Variants in KCNMB2 observed in about 807,000 individuals in gnomAD.
The protein encoded by KCNMB2 is potassium calcium-activated channel subfamily M regulatory beta subunit 2, also known as calcium-activated potassium channel subunit beta-2.
Under a neutral mutation model 24.5 loss-of-function variants are expected in KCNMB2, and 9 were observed. That is an observed-to-expected ratio of 0.37 (90% confidence interval 0.22 to 0.64). The LOEUF is 0.64. Among genes scored for constraint, KCNMB2 ranks in the 30% least tolerant of loss-of-function variants. The pLI, the probability that KCNMB2 is intolerant of heterozygous loss-of-function variation, is 0.63. For synonymous variants in KCNMB2, 109 were observed against 104.4 expected (o/e 1.04, Z -0.27); for missense variants, 226 against 284.3 (o/e 0.79, Z 1.47).
At chr3:178,657,807 A>G (rs1330297287) in intron 1 of KCNMB2, among the ~76,000 whole-genome samples, 1 of 152,232 alleles carries the variant, frequency 6.6e-6, no homozygotes, top group Non-Finnish European at 1.5e-5. Context: ...ACATGGAAGG[A>G]GCATGTTCAA....
At chr3:178,643,578 T>C (rs1346278388) in intron 1 of KCNMB2, among the ~76,000 whole-genome samples, 1 of 152,204 alleles carries the variant, frequency 6.6e-6, no homozygotes, top group African/African-American at 2.4e-5. Context: ...TGTGAATCTA[T>C]AATTATTTCA....
At chr3:178,611,114 C>A (rs1718466092) in intron 1 of KCNMB2, among the ~76,000 whole-genome samples, 1 of 152,094 alleles carries the variant, frequency 6.6e-6, no homozygotes, top group Admixed American at 6.5e-5. Flanking sequence ...AGGTCCCAGG[C>A]TTTTCTTTAC....
intron 1 of KCNMB2, among the ~76,000 whole-genome samples, chr3:178,723,087 A>C: frequency 6.6e-6 from 1 of 152,192 alleles, no homozygotes; most frequent in Non-Finnish European, 1.5e-5. Context: ...CTATGTGTCT[A>C]TCCCTACCAC....
chr3:178,661,451 T>G (rs779262816), intron 1 of KCNMB2, among the ~76,000 whole-genome samples: 1 of 152,140 alleles, frequency 6.6e-6, no homozygotes, highest in Non-Finnish European at 1.5e-5. Context: ...AAACATTTTT[T>G]TTAATAAAGA....
intron 1 of KCNMB2, among the ~76,000 whole-genome samples, chr3:178,805,399 A>G (rs2108450506): frequency 6.6e-6 from 1 of 152,346 alleles, no homozygotes; most frequent in African/African-American, 2.4e-5. Context: ...TCCGTGGTAC[A>G]GACTAAGCCC....
intron 1 of KCNMB2, among the ~76,000 whole-genome samples, chr3:178,614,247 T>TTA (rs776751246): frequency 0.021 from 1,128 of 52,946 alleles, 18 homozygotes; most frequent in Middle Eastern, 0.037. Context: ...TGGGCTAATT[T>TTA]TATATATATA....
chr3:178,688,731 T>A (rs1363598469), intron 1 of KCNMB2, among the ~76,000 whole-genome samples: 2 of 152,158 alleles, frequency 1.3e-5, no homozygotes, highest in African/African-American at 4.8e-5. Context: ...ATTTAAAGTT[T>A]TTGTGAACTT....
At chr3:178,635,406 C>CAT (rs1380464352) in intron 1 of KCNMB2, among the ~76,000 whole-genome samples, 3 of 130,096 alleles carry the variant, frequency 2.3e-5, no homozygotes, top group Non-Finnish European at 4.9e-5. Flanking sequence ...GGTGCTTATG[C>CAT]ATACACACAC....
chr3:178,813,765 T>TA (rs1158209174), intron 2 of KCNMB2, among the ~76,000 whole-genome samples: 1 of 152,244 alleles, frequency 6.6e-6, no homozygotes, highest in Non-Finnish European at 1.5e-5. Flanking sequence ...TCAGCCAAAC[T>TA]AATTAAGTCT....
chr3:178,656,313 A>G (rs945604307), intron 1 of KCNMB2, among the ~76,000 whole-genome samples: 6 of 152,232 alleles, frequency 3.9e-5, no homozygotes, highest in Admixed American at 3.9e-4. Context: ...TTCACTAGCT[A>G]GCAGGCATTC....
intron 1 of KCNMB2, among the ~76,000 whole-genome samples, chr3:178,788,032 T>C (rs985736388): frequency 6.6e-6 from 1 of 152,164 alleles, no homozygotes; most frequent in Non-Finnish European, 1.5e-5. Context: ...CATTTTCATG[T>C]CTATTGTTGT....
chr3:178,633,643 T>A lies in KCNMB2; in HGVS notation c.-68+96932T>A, dbSNP rs140636213. 7.7e-3 allele frequency among the ~76,000 whole-genome samples: 1,168 copies of A among 152,292 alleles called. 12 individuals carry two copies. The highest frequency in any genetic ancestry group is 0.027 in the African/African-American group (1,105 of 41,578). Reference sequence around the variant, plus strand: ...GGAAACCATTTTTCCCTCCTAGGCCTCTGGGCCTGTGATGGGAGGGGCTGC... The same window carrying A: ...GGAAACCATTTTTCCCTCCTAGGCCACTGGGCCTGTGATGGGAGGGGCTGC... On this transcript the variant is annotated intron_variant, in intron 1 of 4. Transcript: ENST00000452583.
chr3:178,686,548 T>C (rs1255778154), intron 1 of KCNMB2, among the ~76,000 whole-genome samples: 2 of 152,078 alleles, frequency 1.3e-5, no homozygotes, highest in Non-Finnish European at 2.9e-5. Context: ...TCTTCCTAAG[T>C]TTTATTACCT....
At chr3:178,620,759 C>A (rs62284832) in intron 1 of KCNMB2, among the ~76,000 whole-genome samples, 36,509 of 152,108 alleles carry the variant, frequency 0.24, 4,641 homozygotes, top group Middle Eastern at 0.38. Flanking sequence ...TTTAAGGATG[C>A]AGATCTAACT....
intron 1 of KCNMB2, among the ~76,000 whole-genome samples, chr3:178,737,954 T>C (rs986124320): frequency 6.6e-6 from 1 of 152,212 alleles, no homozygotes; most frequent in African/African-American, 2.4e-5. Flanking sequence ...CAACTAGGTA[T>C]CAGTAAGTGT....
chr3:178,640,154 G>T (rs1156237156), intron 1 of KCNMB2, among the ~76,000 whole-genome samples: 1 of 152,126 alleles, frequency 6.6e-6, no homozygotes, highest in Non-Finnish European at 1.5e-5. Flanking sequence ...AATGAAATGG[G>T]CACAAGACGC....
chr3:178,617,797 A>G (rs1381267799), intron 1 of KCNMB2, among the ~76,000 whole-genome samples: 3 of 150,528 alleles, frequency 2.0e-5, no homozygotes, highest in African/African-American at 7.3e-5. Context: ...AGCCTGAGGC[A>G]GGAGAATCGC....
intron 1 of KCNMB2, among the ~76,000 whole-genome samples, chr3:178,572,304 T>A (rs531748605): frequency 6.6e-6 from 1 of 152,300 alleles, no homozygotes; most frequent in South Asian, 2.1e-4. Context: ...ATACATAGAA[T>A]GCATGACTAC....
intron 1 of KCNMB2, among the ~76,000 whole-genome samples, chr3:178,576,789 C>G (rs1029443042): frequency 4.6e-5 from 7 of 152,330 alleles, no homozygotes; most frequent in African/African-American, 1.7e-4. Flanking sequence ...GACTGCCTGT[C>G]TAGATTCATC....
Sources: gnomAD v4.1 joint callset for allele counts (sites outside exome capture counted in the v4.1 genomes callset) on GRCh38, gnomAD v4.1.1 for gene constraint, MANE v1.5 for transcripts, NCBI Gene and HGNC (gene_info 2026-07-23, HGNC 2026-07-21) for gene names.